The following SUOX variants were observed in gnomAD, a reference collection of about 807,000 sequenced individuals.
SUOX encodes sulfite oxidase, also known as sulfite oxidase, mitochondrial.
In SUOX, 39 loss-of-function variants were observed where a neutral mutation model predicts 41.9. The observed-to-expected ratio is 0.93, with a 90% CI of 0.72 to 1.21. SUOX has a LOEUF of 1.21. Among genes scored for constraint, SUOX ranks in the 50% most tolerant of loss-of-function variants. The probability of loss-of-function intolerance (pLI) is 0.00; values close to 1 mark genes in which losing one functional copy is unlikely to be tolerated. For missense variants in SUOX, 633 were observed against 689.5 expected (o/e 0.92, Z 0.92); for synonymous variants, 220 against 268.4 (o/e 0.82, Z 1.76).
rs372706981 is a variant in SUOX at position 56,004,445 on chromosome 12, G to A, written c.1056G>A (p.Met352Ile). Residue 352 changes from methionine (M) to isoleucine (I), a missense_variant, in exon 5 of 5, where the codon ATG becomes ATA. By Grantham distance (10) the Met-to-Ile change is conservative (BLOSUM62 1). Coordinates refer to ENST00000266971, the MANE Select transcript of SUOX (RefSeq NM_001032386.2). The surrounding 1 kb of genome is among the most constrained non-coding windows in gnomAD (Gnocchi z 4.5). ...PEAEVLLAYE[M>I]NGQPLPRDHG... The stretch of plus-strand genomic sequence containing the variant: ...CTGAGGTCCTGCTGGCATATGAGAT[G>A]AATGGGCAGCCTCTGCCACGTGACC... The A allele has an allele frequency of 4.3e-6, 7 of 1,614,090 alleles. No individual in the cohort carries two copies. Among genetic ancestry groups the A allele is most frequent in the Non-Finnish European group, 5.9e-6 (7 of 1,180,038 alleles).
chr12:56,004,714 AG>A lies in SUOX; in HGVS notation c.1327del (p.Val443Ter). The A allele has an allele frequency of 6.2e-7, 1 of 1,614,024 alleles. No homozygotes were observed. The highest frequency in any genetic ancestry group is 8.5e-7 in the Non-Finnish European group (1 of 1,180,016). ...PRDGETVESG[E>X]VTIKGYAWSG... ...GATGGAGAGACTGTAGAATCAGGGGAGGTGACCATCAAGGGCTATGCATGGA... is the reference window on the plus strand; with the variant it reads ...GATGGAGAGACTGTAGAATCAGGGGAGTGACCATCAAGGGCTATGCATGGA... On this transcript the variant is annotated frameshift_variant, in exon 5 of 5. Coordinates refer to ENST00000266971, the MANE Select transcript of SUOX (RefSeq NM_001032386.2). LOFTEE classifies it high-confidence loss of function. The surrounding 1 kb of genome is among the most constrained non-coding windows in gnomAD (Gnocchi z 4.5).
Position 56,004,301 on chromosome 12 carries a change from G to A in SUOX, c.912G>A (p.Gln304=). The change falls in exon 5 of 5, where the codon CAG becomes CAA. Residue 304 remains glutamine, a synonymous_variant. Transcript: ENST00000266971. This position sits in a 1 kb window ranked among gnomAD's most constrained non-coding sequence, Gnocchi z 4.5. ...CACGGCTCTGTGATGTGTTAGCCCA[G>A]GCTGGCCACCAACTCTGTGAAACTG... ...AGARLCDVLA[Q]AGHQLCETEA... 1 of 1,614,084 alleles carries A rather than the reference G, an allele frequency of 6.2e-7. No individual in the cohort carries two copies. The highest frequency in any genetic ancestry group is 1.1e-5 in the South Asian group (1 of 91,084).
chr12:56,002,463 G>C, intron 3 of SUOX, 80 bp from the exon 4 acceptor site: 3 of 1,592,900 alleles, frequency 1.9e-6, no homozygotes, highest in Non-Finnish European at 2.6e-6. Flanking sequence ...TGGCCAACCA[G>C]GGAGAAAGAA....
At position 56,004,484 on chromosome 12, in the gene SUOX, G is replaced by T; in HGVS notation, c.1095G>T (p.Val365=). The change falls in exon 5 of 5, where the codon GTG becomes GTT. Residue 365 remains valine (V), a synonymous_variant. Transcript: ENST00000266971. This position sits in a 1 kb window ranked among gnomAD's most constrained non-coding sequence, Gnocchi z 4.5. ...QPLPRDHGFP[V]RVVVPGVVGA... is the part of the protein sequence containing the mutation. ...TGCCACGTGACCACGGCTTCCCTGT[G>T]CGTGTGGTGGTTCCTGGAGTGGTGG... 1 of 1,614,206 alleles carries T rather than the reference G, an allele frequency of 6.2e-7. No homozygotes were observed. Among genetic ancestry groups the T allele is most frequent in the South Asian group, 1.1e-5 (1 of 91,084 alleles).
Position 56,003,699 on chromosome 12 carries a change from C to G in SUOX, c.310C>G (p.Leu104Val). 2 of 1,613,380 alleles carry G rather than the reference C, an allele frequency of 1.2e-6. No homozygotes were observed. Among genetic ancestry groups the G allele is most frequent in the Non-Finnish European group, 1.7e-6 (2 of 1,179,550 alleles). The change falls in exon 5 of 5, where the codon CTG becomes GTG. Residue 104 changes from leucine to valine, a missense_variant. Leu to Val is a conservative substitution (Grantham distance 32). Transcript: ENST00000266971. Reference sequence around the variant, plus strand: ...CCCTGAGACTGGGATCTGGGTGACTCTGGGCTCTGAGGTCTTTGATGTCAC... The same window carrying G: ...CCCTGAGACTGGGATCTGGGTGACTGTGGGCTCTGAGGTCTTTGATGTCAC... The part of the protein sequence containing the change: ...TSPETGIWVT[L>V]GSEVFDVTEF...
chr12:56,001,488 G>A (rs906402820), intron 2 of SUOX: 1 of 152,690 alleles, frequency 6.5e-6, no homozygotes, highest in Non-Finnish European at 1.5e-5. Context: ...TATGTATGGG[G>A]GAAAAAACAG....
At chr12:55,998,860 G>A (rs998023195) in intron 2 of SUOX, among the ~76,000 whole-genome samples, 10 of 151,152 alleles carry the variant, frequency 6.6e-5, no homozygotes, top group African/African-American at 1.5e-4. Context: ...GTACGGTGGC[G>A]CCATCATAAT....
chr12:56,000,440 G>A (rs1890472986), intron 2 of SUOX, among the ~76,000 whole-genome samples: 1 of 152,210 alleles, frequency 6.6e-6, no homozygotes, highest in African/African-American at 2.4e-5. Context: ...TGCTCCGTGT[G>A]CGGGGCCTGC....
At position 56,005,182 on chromosome 12, in the gene SUOX, C is replaced by G; in HGVS notation, c.*155C>G. 4 of 817,482 alleles carry G rather than the reference C, an allele frequency of 4.9e-6. No homozygotes were observed. The highest frequency in any genetic ancestry group is 8.0e-6 in the Non-Finnish European group (4 of 501,686). 50.6% of individuals were successfully genotyped at this position (817,482 alleles called of 1,614,324 possible). A position where few individuals can be genotyped will look rare whatever the true frequency, so the allele number is the denominator to read the frequency against. On this transcript the variant is annotated 3_prime_UTR_variant, in exon 5 of 5. Coordinates refer to ENST00000266971, the MANE Select transcript of SUOX (RefSeq NM_001032386.2). The stretch of plus-strand genomic sequence containing the variant: ...AGCACATTTCACCCAAGGACCTTCC[C>G]TCTTTGGACACTATGTTACATACCC...
At chr12:55,998,562 G>A (rs951142152) in intron 2 of SUOX, among the ~76,000 whole-genome samples, 9 of 151,598 alleles carry the variant, frequency 5.9e-5, no homozygotes, top group African/African-American at 2.2e-4. Flanking sequence ...GGAGGGGAGG[G>A]GAAGCCGGAC....
intron 2 of SUOX, chr12:56,001,924 G>A: frequency 7.7e-7 from 1 of 1,298,164 alleles, no homozygotes; most frequent in Non-Finnish European, 9.9e-7. Context: ...GGTGGACAAA[G>A]TTCAGAATGG....
chr12:56,002,664 A>C lies in SUOX; in HGVS notation c.172A>C (p.Met58Leu). The change falls in exon 4 of 5, where the codon ATG (methionine) becomes CTG (leucine). Residue 58 changes from methionine to leucine, a missense_variant. Physicochemically the swap from Met to Leu is conservative, Grantham distance 15 (BLOSUM62 2). Transcript: ENST00000266971. The part of the protein sequence containing the change: ...DNSSTQGWRV[M>L]GTLLGLGAVL... ...CTCCAGCACCCAGGGATGGAGAGTC[A>C]TGGGGACCCTATTAGGTCTCGGTGC... is the stretch of plus-strand genomic sequence containing the variant. 1.2e-6 allele frequency: 2 copies of C among 1,613,966 alleles called. No homozygotes were observed. Among genetic ancestry groups the C allele is most frequent in the Non-Finnish European group, 1.7e-6 (2 of 1,179,972 alleles).
At chr12:56,002,792 T>G in intron 4 of SUOX, 72 bp downstream of exon 4, 2 of 1,590,850 alleles carry the variant, frequency 1.3e-6, no homozygotes, top group Non-Finnish European at 1.7e-6. Context: ...CCCAGCACTA[T>G]AGGAGGCCAA....
intron 1 of SUOX, 54 bp from the exon 2 acceptor site, chr12:55,997,561 A>G (rs1890352391): frequency 6.6e-6 from 1 of 152,182 alleles, no homozygotes; most frequent in Non-Finnish European, 1.5e-5. Flanking sequence ...TAACGTGCCC[A>G]TGGGGAGTGA....
Position 56,004,891 on chromosome 12 carries a change from A to C in SUOX, c.1502A>C (p.Gln501Pro), listed in dbSNP as rs1268416176. The C allele has an allele frequency of 1.9e-6, 3 of 1,614,048 alleles. No individual in the cohort carries two copies. Among genetic ancestry groups the C allele is most frequent in the Non-Finnish European group, 2.5e-6 (3 of 1,180,022 alleles). Residue 501 changes from glutamine to proline, a missense_variant, in exon 5 of 5, where the codon CAA becomes CCA. Coordinates refer to ENST00000266971, the MANE Select transcript of SUOX (RefSeq NM_001032386.2). The surrounding 1 kb of genome is among the most constrained non-coding windows in gnomAD (Gnocchi z 4.5). ...TTGAAAGCCCCTGTGCCAGCTGGACAAAAGGAACTGAACATTGTTTGTAAG... is the reference window on the plus strand; with the variant it reads ...TTGAAAGCCCCTGTGCCAGCTGGACCAAAGGAACTGAACATTGTTTGTAAG... The part of the protein sequence containing the change: ...WQLKAPVPAG[Q>P]KELNIVCKAV...
intron 3 of SUOX, 38 bp from the exon 4 acceptor site, chr12:56,002,505 A>G (rs1286490238): frequency 1.9e-6 from 3 of 1,613,432 alleles, no homozygotes; most frequent in Admixed American, 1.7e-5. Context: ...GCCCTTTCAC[A>G]TGACCATACG....
chr12:56,001,583 T>C (rs550067001), intron 2 of SUOX: 4 of 162,796 alleles, frequency 2.5e-5, no homozygotes, highest in Non-Finnish European at 5.4e-5. Context: ...GGGGTACTAC[T>C]GTACTTGTTG....
At chr12:55,997,907 G>A (rs1274017475) in intron 2 of SUOX, among the ~76,000 whole-genome samples, 184 bp downstream of exon 2, 1 of 151,982 alleles carries the variant, frequency 6.6e-6, no homozygotes, top group East Asian at 1.9e-4. Context: ...TGCTGGGTCA[G>A]TGCTCTCTGT....
intron 2 of SUOX, chr12:56,001,888 C>T: frequency 8.1e-7 from 1 of 1,227,028 alleles, no homozygotes; most frequent in Non-Finnish European, 1.0e-6. Context: ...TCCTTTAGGC[C>T]CTTCGCCCCA....
Sources: allele counts gnomAD v4.1 joint callset (sites outside exome capture counted in the v4.1 genomes callset), GRCh38; gene constraint gnomAD v4.1.1; non-coding constraint Gnocchi (gnomAD v3.1); transcripts MANE v1.5; gene names NCBI Gene and HGNC (gene_info 2026-07-23, HGNC 2026-07-21).